LINS1: variants seen among roughly 807,000 people sequenced by gnomAD.
LINS1 encodes the protein lines homolog 1, also known as protein Lines homolog 1.
A neutral mutation model predicts 41.6 loss-of-function variants in LINS1; 27 were observed. The observed-to-expected ratio is 0.65, with a 90% CI of 0.48 to 0.89. The LOEUF is 0.89. Among genes scored for constraint, LINS1 ranks in the 40% least tolerant of loss-of-function variants. LINS1 has a pLI of 0.00. For synonymous variants in LINS1, 336 were observed against 312.9 expected (o/e 1.07, Z -0.78); for missense variants, 955 against 884.1 (o/e 1.08, Z -1.02).
intron 1 of LINS1, among the ~76,000 whole-genome samples, chr15:100,592,597 A>G (rs907578715): frequency 6.6e-6 from 1 of 152,212 alleles, no homozygotes; most frequent in African/African-American, 2.4e-5. Flanking sequence ...TATAAATAAC[A>G]AAACACTGCC....
chr15:100,580,188 T>C (rs1329267434), intron 3 of LINS1, 75 bp downstream of exon 3: 1 of 1,144,628 alleles, frequency 8.7e-7, no homozygotes, highest in Non-Finnish European at 1.3e-6. Flanking sequence ...AGTGAGACCT[T>C]GTCTCCACAA....
rs144523618 is a variant in LINS1 at position 100,580,756 on chromosome 15, G to T, written c.87C>A (p.Ile29=). Residue 29 remains isoleucine, a synonymous_variant, in exon 2 of 7, where the codon ATC becomes ATA. Transcript: ENST00000314742. ...ATLENDSHDY[I]FYLNPAVSDQ... The stretch of plus-strand genomic sequence containing the variant: ...CTGAAACTGCTGGGTTGAGATAAAA[G>T]ATGTAATCATGGCTGTCATTTTCAA... 6.2e-7 allele frequency: 1 copy of T among 1,609,886 alleles called. No individual in the cohort carries two copies. The highest frequency in any genetic ancestry group is 1.3e-5 in the African/African-American group (1 of 74,810).
chr15:100,571,775 G>C, intron 6 of LINS1, 119 bp downstream of exon 6: 1 of 1,203,494 alleles, frequency 8.3e-7, no homozygotes. Flanking sequence ...GAAAGGAACT[G>C]CAACAGGATG....
chr15:100,574,918 T>C, intron 4 of LINS1, 69 bp downstream of exon 4: 2 of 1,505,380 alleles, frequency 1.3e-6, no homozygotes, highest in Non-Finnish European at 1.8e-6. Flanking sequence ...TTAAGTTTTG[T>C]TTCTCATTAT....
intron 1 of LINS1, among the ~76,000 whole-genome samples, chr15:100,598,830 C>T (rs1032775755): frequency 1.5e-4 from 23 of 152,220 alleles, no homozygotes; most frequent in African/African-American, 5.5e-4. Context: ...ACACAACCTG[C>T]TGGCCCAGAA....
At position 100,573,753 on chromosome 15, in the gene LINS1, T is replaced by C; in HGVS notation, c.1120A>G (p.Ile374Val). 1 of 1,613,880 alleles carries C rather than the reference T, an allele frequency of 6.2e-7. No individual in the cohort carries two copies. The highest frequency in any genetic ancestry group is 8.5e-7 in the Non-Finnish European group (1 of 1,179,702). ...GDEVQPECEL[I>V]TSPDHVILRA... is the part of the protein sequence containing the mutation. ...AGGATCACATGATCTGGACTAGTGATAAGTTCACATTCAGGTTGAACTTCA... is the reference window on the plus strand; with the variant it reads ...AGGATCACATGATCTGGACTAGTGACAAGTTCACATTCAGGTTGAACTTCA... The change falls in exon 5 of 7, where the codon ATC (isoleucine) becomes GTC (valine). Residue 374 changes from isoleucine to valine, a missense_variant. Transcript: ENST00000314742.
intron 3 of LINS1, among the ~76,000 whole-genome samples, chr15:100,575,779 G>A (rs1302520761): frequency 2.6e-5 from 4 of 152,158 alleles, no homozygotes; most frequent in Non-Finnish European, 5.9e-5. Context: ...TGGAAGTAAA[G>A]CACTCCTCAG....
At chr15:100,582,281 ACAC>A (rs1251405346) in intron 1 of LINS1, among the ~76,000 whole-genome samples, 8 of 144,776 alleles carry the variant, frequency 5.5e-5, no homozygotes, top group Non-Finnish European at 1.2e-4. Flanking sequence ...TCTTGGTCTT[ACAC>A]TGGGTCTTCC....
chr15:100,592,688 G>A (rs549659789), intron 1 of LINS1, among the ~76,000 whole-genome samples: 39 of 152,270 alleles, frequency 2.6e-4, no homozygotes, highest in African/African-American at 9.1e-4. Context: ...TTTAACAAAA[G>A]ATCAACTTAT....
Position 100,570,005 on chromosome 15 carries a change from C to T in LINS1, c.1507G>A (p.Gly503Arg), listed in dbSNP as rs372730577. The T allele has an allele frequency of 1.1e-5, 17 of 1,555,936 alleles. No individual in the cohort carries two copies. The highest frequency in any genetic ancestry group is 1.5e-5 in the Non-Finnish European group (17 of 1,155,162). ...CIFLFFLKNI[G>R]FDSTVLLDFL... is the part of the protein sequence containing the mutation. ...TCAAGAAGAACTGTGGAATCAAATC[C>T]TATATTTTTCAAGAAGAACAAGAAA... Residue 503 changes from glycine (G) to arginine (R), a missense_variant, in exon 7 of 7, where the codon GGA (glycine) becomes AGA (arginine). Physicochemically the swap from Gly to Arg is moderately radical, Grantham distance 125 (BLOSUM62 -2). Coordinates refer to ENST00000314742, the MANE Select transcript of LINS1 (RefSeq NM_001040616.3).
chr15:100,580,503 C>T lies in LINS1; in HGVS notation c.340G>A (p.Glu114Lys), dbSNP rs888436463. 2.5e-6 allele frequency: 4 copies of T among 1,613,982 alleles called. No individual in the cohort carries two copies. Among genetic ancestry groups the T allele is most frequent in the Non-Finnish European group, 2.5e-6 (3 of 1,179,942 alleles). The change falls in exon 2 of 7, where the codon GAG becomes AAG. Residue 114 changes from glutamate (E) to lysine (K), a missense_variant. Coordinates refer to ENST00000314742, the MANE Select transcript of LINS1 (RefSeq NM_001040616.3). ...ATTTTAATTACATCTCTGTACTGCT[C>T]CTTTGCATGGAACTCGGTTTTGACA... Reference protein sequence around the residue: ...LSVKTEFHAKEQYRDVIKILL... With the variant: ...LSVKTEFHAKKQYRDVIKILL...
chr15:100,596,119 T>C (rs1164179022), intron 1 of LINS1, among the ~76,000 whole-genome samples: 3 of 152,198 alleles, frequency 2.0e-5, no homozygotes, highest in South Asian at 4.1e-4. Context: ...GGCTGGACTT[T>C]CAAGCTCCAG....
chr15:100,600,077 C>A (rs917767659), intron 1 of LINS1, among the ~76,000 whole-genome samples: 2 of 152,050 alleles, frequency 1.3e-5, no homozygotes, highest in Admixed American at 1.3e-4. Flanking sequence ...AAAACAAAAA[C>A]AAACAAAATT....
Position 100,575,011 on chromosome 15 carries a change from T to C in LINS1, c.607A>G (p.Lys203Glu). ...CCTGTTTTCTGTGAACATGAATCTT[T>C]AAAGATTTCTTTTATTATTGCTGTA... Reference protein sequence around the residue: ...TLTAIIKEIFKDSCSQKTEIL... With the variant: ...TLTAIIKEIFEDSCSQKTEIL... Residue 203 changes from lysine (K) to glutamate (E), a missense_variant, in exon 4 of 7, where the codon AAA becomes GAA. By Grantham distance (56) the Lys-to-Glu change is moderately conservative (BLOSUM62 1). Transcript: ENST00000314742. 2 of 1,612,988 alleles carry C rather than the reference T, an allele frequency of 1.2e-6. No homozygotes were observed. The highest frequency in any genetic ancestry group is 1.3e-5 in the African/African-American group (1 of 75,022).
Position 100,575,280 on chromosome 15 carries a change from G to A in LINS1, c.490-152C>T, listed in dbSNP as rs115513128. 19 of 616,318 alleles carry A rather than the reference G, an allele frequency of 3.1e-5. No individual in the cohort carries two copies. In the East Asian group the frequency reaches 5.8e-4, roughly 19 times the overall value. The allele number at this position is 616,318 out of a possible 1,614,324, so 38.2% of individuals were successfully genotyped here. ...ACAGAAGTATCCTAATATTATTTAA[G>A]TAAAAAAATCGAATATGCCACAGAA... On this transcript the variant is annotated intron_variant, in intron 3 of 6. Coordinates refer to ENST00000314742, the MANE Select transcript of LINS1 (RefSeq NM_001040616.3).
Position 100,573,859 on chromosome 15 carries a change from A to G in LINS1, c.1014T>C (p.Ala338=). The change falls in exon 5 of 7, where the codon GCT becomes GCC. Residue 338 remains alanine, a synonymous_variant. Coordinates refer to ENST00000314742, the MANE Select transcript of LINS1 (RefSeq NM_001040616.3). ...AATTCACAGCTTGCAAAACAGCATT[A>G]GCTAAAGCCAGCATGTCCACCGCTA... ...HHVAVDMLAL[A]NAVLQAVNSG... 2 of 1,614,248 alleles carry G rather than the reference A, an allele frequency of 1.2e-6. No individual in the cohort carries two copies. Among genetic ancestry groups the G allele is most frequent in the East Asian group, 2.2e-5 (1 of 44,888 alleles).
chr15:100,580,741 T>C lies in LINS1; in HGVS notation c.102A>G (p.Pro34=). 1 of 1,610,620 alleles carries C rather than the reference T, an allele frequency of 6.2e-7. No individual in the cohort carries two copies. The highest frequency in any genetic ancestry group is 8.5e-7 in the Non-Finnish European group (1 of 1,177,322). The change falls in exon 2 of 7, where the codon CCA becomes CCG. Residue 34 remains proline, a synonymous_variant. Transcript: ENST00000314742. ...DSHDYIFYLN[P]AVSDQDCSTA... The stretch of plus-strand genomic sequence containing the variant: ...TAGAACAATCTTGATCTGAAACTGC[T>C]GGGTTGAGATAAAAGATGTAATCAT...
At chr15:100,570,308 C>G in intron 6 of LINS1, 191 bp from the exon 7 acceptor site, 1 of 480,718 alleles carries the variant, frequency 2.1e-6, no homozygotes, top group Non-Finnish European at 3.6e-6. Context: ...CTCAGTAAAG[C>G]AAAATCCACT....
intron 3 of LINS1, among the ~76,000 whole-genome samples, chr15:100,575,941 A>T (rs2038149241): frequency 6.6e-6 from 1 of 152,252 alleles, no homozygotes; most frequent in Admixed American, 6.5e-5. Flanking sequence ...ACATAATGAA[A>T]TGAAGGCAGA....
Sources: gnomAD v4.1 joint callset for allele counts (sites outside exome capture counted in the v4.1 genomes callset) on GRCh38, gnomAD v4.1.1 for gene constraint, MANE v1.5 for transcripts, NCBI Gene and HGNC (gene_info 2026-07-23, HGNC 2026-07-21) for gene names.